Variants in GLI3 observed in about 807,000 individuals in gnomAD.
GLI3 encodes GLI family zinc finger 3.
In GLI3, 20 loss-of-function variants were observed where a neutral mutation model predicts 100.8. The observed-to-expected ratio is 0.20, with a 90% CI of 0.14 to 0.29. The LOEUF is 0.29. Among genes scored for constraint, GLI3 ranks in the 10% least tolerant of loss-of-function variants. GLI3 has a pLI of 1.00. For missense variants in GLI3, 2,040 were observed against 2,128.5 expected, an observed-to-expected ratio of 0.96 and a Z score of 0.82; for synonymous variants, 938 against 860.5, an observed-to-expected ratio of 1.09 and a Z score of -1.58.
At chr7:41,987,892 T>C (rs1400674137) in intron 10 of GLI3, among the ~76,000 whole-genome samples, 1 of 152,176 alleles carries the variant, frequency 6.6e-6, no homozygotes, top group Non-Finnish European at 1.5e-5. Context: ...CACCCTACCC[T>C]AAGGAATGCA....
At chr7:42,170,700 C>T (rs1392391460) in intron 2 of GLI3, among the ~76,000 whole-genome samples, 3 of 152,088 alleles carry the variant, frequency 2.0e-5, no homozygotes, top group African/African-American at 7.2e-5. Flanking sequence ...CCACGTCTGG[C>T]CTTGCTGACT....
chr7:42,238,479 G>C (rs1169840204), upstream of GLI3, among the ~76,000 whole-genome samples: 1 of 152,144 alleles, frequency 6.6e-6, no homozygotes, highest in Non-Finnish European at 1.5e-5. Context: ...GTCTGCCCTC[G>C]GGGCCAAATC....
rs1787004002 is a variant in GLI3 at position 41,961,231 on chromosome 7, G to T, written c.*3099C>A. 1 of 152,520 alleles carries T rather than the reference G, an allele frequency of 6.6e-6. No homozygotes were observed. Among genetic ancestry groups the T allele is most frequent in the Non-Finnish European group, 1.5e-5 (1 of 68,012 alleles). The allele number at this position is 152,520 out of a possible 1,614,324, so 9.4% of individuals were successfully genotyped here. A position where few individuals can be genotyped will look rare whatever the true frequency, so the allele number is the denominator to read the frequency against. ...TTTTTTAAAAAAATCTAAAAAAGGT[G>T]AAAAAAATGAACTTGTATTTTATTT... On this transcript the variant is annotated 3_prime_UTR_variant, in exon 15 of 15. Coordinates refer to ENST00000395925, the MANE Select transcript of GLI3 (RefSeq NM_000168.6).
intron 1 of GLI3, among the ~76,000 whole-genome samples, chr7:42,246,050 T>C (rs1021828086): frequency 2.0e-5 from 3 of 152,178 alleles, no homozygotes; most frequent in African/African-American, 7.2e-5. Context: ...TGGGTTGAAT[T>C]GCCTTGGACA....
At chr7:42,104,574 C>T (rs1785534613) in intron 3 of GLI3, among the ~76,000 whole-genome samples, 1 of 152,172 alleles carries the variant, frequency 6.6e-6, no homozygotes, top group African/African-American at 2.4e-5. Context: ...ATTTAATAAA[C>T]ACACATTTCT....
chr7:42,117,731 T>A (rs1785895558), intron 3 of GLI3, among the ~76,000 whole-genome samples: 1 of 152,218 alleles, frequency 6.6e-6, no homozygotes, highest in African/African-American at 2.4e-5. Context: ...TAGCAAAGTG[T>A]ATGATCTCAG....
chr7:42,170,287 T>TATATATATATATATACACACAC (rs1452471645), intron 2 of GLI3, among the ~76,000 whole-genome samples: 1 of 124,006 alleles, frequency 8.1e-6, no homozygotes, highest in East Asian at 2.3e-4. Context: ...TATATATATA[T>TATATATATATATATACACACAC]ACACACACAT....
intron 10 of GLI3, among the ~76,000 whole-genome samples, chr7:42,011,741 G>T (rs1788617941): frequency 6.6e-6 from 1 of 152,158 alleles, no homozygotes; most frequent in Non-Finnish European, 1.5e-5. Context: ...CAGGTTGGTG[G>T]TTTTCAGGGG....
At chr7:42,153,304 G>A (rs1031007126) in intron 2 of GLI3, among the ~76,000 whole-genome samples, 4 of 152,144 alleles carry the variant, frequency 2.6e-5, no homozygotes, top group African/African-American at 9.7e-5. Flanking sequence ...AATACTTCTT[G>A]CAATAATAGT....
chr7:42,134,507 A>G (rs1425944899), intron 3 of GLI3, among the ~76,000 whole-genome samples: 1 of 152,200 alleles, frequency 6.6e-6, no homozygotes, highest in Non-Finnish European at 1.5e-5. Flanking sequence ...CAAACCCACA[A>G]AAACCCAGAA....
chr7:42,213,418 T>G (rs1410474459), intron 2 of GLI3, among the ~76,000 whole-genome samples: 1 of 152,184 alleles, frequency 6.6e-6, no homozygotes, highest in Admixed American at 6.5e-5. Context: ...CCCCTCCCTA[T>G]TTGTAATAGC....
At chr7:42,036,784 G>A (rs567175697) in intron 7 of GLI3, among the ~76,000 whole-genome samples, 31 of 152,158 alleles carry the variant, frequency 2.0e-4, no homozygotes, top group Non-Finnish European at 3.5e-4. Flanking sequence ...TGCTAGTGCT[G>A]ATGCCCACCA....
At chr7:42,024,723 C>T (rs1789055378) in intron 9 of GLI3, among the ~76,000 whole-genome samples, 1 of 152,216 alleles carries the variant, frequency 6.6e-6, no homozygotes, top group Admixed American at 6.5e-5. Flanking sequence ...TACACTCTTC[C>T]TTTCAGAATT....
At chr7:41,989,029 A>G (rs1787905876) in intron 10 of GLI3, among the ~76,000 whole-genome samples, 1 of 152,200 alleles carries the variant, frequency 6.6e-6, no homozygotes, top group African/African-American at 2.4e-5. Context: ...TCGTTTCTAC[A>G]AGTTACTGAG....
At chr7:42,077,521 C>T (rs2128752033) in intron 3 of GLI3, among the ~76,000 whole-genome samples, 1 of 152,194 alleles carries the variant, frequency 6.6e-6, no homozygotes, top group Non-Finnish European at 1.5e-5. Context: ...CACTCAGACT[C>T]ACAGACATCT....
At chr7:42,182,658 A>ATATATATATATACATGTGTGTG (rs1554337020) in intron 2 of GLI3, among the ~76,000 whole-genome samples, 1 of 56,052 alleles carries the variant, frequency 1.8e-5, no homozygotes, top group Non-Finnish European at 3.4e-5. Context: ...ATATATATAT[A>ATATATATATATACATGTGTGTG]TATATATATA....
At chr7:42,013,525 G>A (rs536253787) in intron 10 of GLI3, among the ~76,000 whole-genome samples, 3 of 151,886 alleles carry the variant, frequency 2.0e-5, no homozygotes, top group East Asian at 3.9e-4. Flanking sequence ...CACCATGTTC[G>A]GCTAAATTAG....
At position 41,966,281 on chromosome 7, in the gene GLI3, G is replaced by C. The variant is rs1336053978; in HGVS notation, c.2792C>G (p.Ala931Gly). 2 of 1,607,950 alleles carry C rather than the reference G, an allele frequency of 1.2e-6. No homozygotes were observed. Among genetic ancestry groups the C allele is most frequent in the Non-Finnish European group, 1.7e-6 (2 of 1,179,256 alleles). The change falls in exon 15 of 15, where the codon GCC becomes GGC. Residue 931 changes from alanine to glycine, a missense_variant. Physicochemically the swap from Ala to Gly is moderately conservative, Grantham distance 60. Around this residue, in one of 5 missense-constraint regions of GLI3, gnomAD observed 1,041 missense variants for 924.0 expected, o/e 1.13. Transcript: ENST00000395925. This position sits in a 1 kb window ranked among gnomAD's most constrained non-coding sequence, Gnocchi z 5.8. ...LTPAQQYRLK[A>G]KYAAATGGPP... The stretch of plus-strand genomic sequence containing the variant: ...CCCTCCTGTGGCAGCCGCGTACTTG[G>C]CCTTGAGGCGGTACTGCTGGGCGGG...
In GLI3 at chr7:42,039,919, C is replaced by A. The variant is rs1784096837; in HGVS notation, c.1028+119G>T. On this transcript the variant is annotated intron_variant, in intron 7 of 14. Transcript: ENST00000395925. ...GACCTGCCTCTTGGTATAGGCACAG[C>A]ATCATGCACTTTTATTCTTCCTCAT... 10 of 792,950 alleles carry A rather than the reference C, an allele frequency of 1.3e-5. 1 individual carries two copies. In the Admixed American group the frequency reaches 1.9e-4, roughly 15 times the overall value. 49.1% of individuals were successfully genotyped at this position (792,950 alleles called of 1,614,324 possible).
Sources: allele counts gnomAD v4.1 joint callset (sites outside exome capture counted in the v4.1 genomes callset), GRCh38; gene constraint gnomAD v4.1.1; regional missense constraint gnomAD v4.1.1; non-coding constraint Gnocchi (gnomAD v3.1); transcripts MANE v1.5; gene names NCBI Gene and HGNC (gene_info 2026-07-23, HGNC 2026-07-21).